Variants in ABAT observed in about 807,000 individuals in gnomAD.
ABAT encodes 4-aminobutyrate aminotransferase.
A neutral mutation model predicts 64.6 loss-of-function variants in ABAT; 45 were observed. The ratio of observed to expected loss-of-function variants is 0.70; its 90% CI spans 0.55 to 0.89. ABAT has a LOEUF of 0.89. Among genes scored for constraint, ABAT ranks in the 40% least tolerant of loss-of-function variants. ABAT has a pLI of 0.00. For missense variants in ABAT, 633 were observed against 658.4 expected (o/e 0.96, Z 0.42); for synonymous variants, 297 against 250.5 (o/e 1.19, Z -1.75).
chr16:8,771,596 G>A (rs1337333831), intron 11 of ABAT, among the ~76,000 whole-genome samples: 2 of 151,872 alleles, frequency 1.3e-5, no homozygotes, highest in Non-Finnish European at 2.9e-5. Flanking sequence ...AGCCACTGGA[G>A]TAGCTGGGAG....
intron 1 of ABAT, among the ~76,000 whole-genome samples, chr16:8,733,495 G>T (rs1047341200): frequency 6.6e-6 from 1 of 152,016 alleles, no homozygotes; most frequent in Admixed American, 6.5e-5. Context: ...GGGAGGTGGA[G>T]GTTGTAGCAA....
chr16:8,775,426 C>G (rs1480136639), intron 13 of ABAT, among the ~76,000 whole-genome samples: 2 of 152,178 alleles, frequency 1.3e-5, no homozygotes, highest in Non-Finnish European at 2.9e-5. Flanking sequence ...CCTCATTTGA[C>G]TAATGAGGAA....
intron 1 of ABAT, among the ~76,000 whole-genome samples, chr16:8,721,398 C>A (rs548564363): frequency 5.3e-5 from 8 of 152,270 alleles, no homozygotes; most frequent in African/African-American, 1.9e-4. Context: ...AGCCTCCGAG[C>A]CTCCAGAGCT....
At chr16:8,745,271 C>A (rs1273685315) in intron 2 of ABAT, among the ~76,000 whole-genome samples, 1 of 152,124 alleles carries the variant, frequency 6.6e-6, no homozygotes, top group Non-Finnish European at 1.5e-5. Flanking sequence ...AATGAGCGAC[C>A]CCATCTGGCC....
At chr16:8,683,933 C>T (rs1020529057) in intron 1 of ABAT, among the ~76,000 whole-genome samples, 15 of 147,148 alleles carry the variant, frequency 1.0e-4, no homozygotes, top group African/African-American at 3.8e-4. Context: ...GGGGTGTGTG[C>T]GTGTCTATGT....
chr16:8,758,395 G>A (rs1475850197), intron 6 of ABAT, among the ~76,000 whole-genome samples: 1 of 152,188 alleles, frequency 6.6e-6, no homozygotes, highest in African/African-American at 2.4e-5. Context: ...CAGGCCACGA[G>A]TCGGGAGGAA....
At chr16:8,716,556 G>A (rs2058221464) in intron 1 of ABAT, among the ~76,000 whole-genome samples, 1 of 152,156 alleles carries the variant, frequency 6.6e-6, no homozygotes, top group African/African-American at 2.4e-5. Flanking sequence ...TGGTCACACA[G>A]GGTCCCGTGT....
rs998751856 is a variant in ABAT, at chr16:8,763,976, A to G, written c.367-93A>G. The G allele has an allele frequency of 2.1e-5, 22 of 1,060,982 alleles. No individual in the cohort carries two copies. In the Admixed American group the frequency reaches 3.2e-4, roughly 16 times the overall value. The allele number at this position is 1,060,982 out of a possible 1,614,324, so 65.7% of individuals were successfully genotyped here. A position where few individuals can be genotyped will look rare whatever the true frequency, so the allele number is the denominator to read the frequency against. On this transcript the variant is annotated intron_variant, in intron 6 of 15. Transcript: ENST00000268251. The stretch of plus-strand genomic sequence containing the variant: ...CATCCTGCAACCCCATTTGGAGGCT[A>G]TTTGAACACAGGGGCTATGAAAAGC...
At position 8,782,446 on chromosome 16, in the gene ABAT, G is replaced by A. The variant is rs1235654109; in HGVS notation, c.*1016G>A. Reference sequence around the variant, plus strand: ...TGAGCTGACCCCCAGGAACAGCTTGGCTGTTCCACCAGAGCAGAGGGAATC... The same window carrying A: ...TGAGCTGACCCCCAGGAACAGCTTGACTGTTCCACCAGAGCAGAGGGAATC... On this transcript the variant is annotated 3_prime_UTR_variant, in exon 16 of 16. Transcript: ENST00000268251. The A allele has an allele frequency of 6.6e-6, 1 of 152,268 alleles. No homozygotes were observed. Among genetic ancestry groups the A allele is most frequent in the African/African-American group, 2.4e-5 (1 of 41,452 alleles). The allele number at this position is 152,268 out of a possible 1,614,324, so 9.4% of individuals were successfully genotyped here.
intron 5 of ABAT, 22 bp downstream of exon 5, chr16:8,750,561 C>G: frequency 1.2e-6 from 2 of 1,600,372 alleles, no homozygotes; most frequent in Non-Finnish European, 8.6e-7. Context: ...GAAATCATTC[C>G]TTGGATATAA....
chr16:8,682,044 G>T (rs1204694549), intron 1 of ABAT, among the ~76,000 whole-genome samples: 1 of 152,070 alleles, frequency 6.6e-6, no homozygotes, highest in Non-Finnish European at 1.5e-5. Context: ...CTTCCTCCAC[G>T]TTGTGACAGC....
At chr16:8,772,690 G>T in intron 11 of ABAT, 90 bp from the exon 12 acceptor site, 1 of 1,541,888 alleles carries the variant, frequency 6.5e-7, no homozygotes, top group Non-Finnish European at 9.0e-7. Context: ...CAATAAAATT[G>T]CATGGGGCTC....
intron 5 of ABAT, among the ~76,000 whole-genome samples, chr16:8,753,756 G>C (rs1019768056): frequency 7.2e-5 from 11 of 152,278 alleles, no homozygotes; most frequent in Admixed American, 6.5e-4. Context: ...GGAGTAGGAT[G>C]GGGGAGTGCC....
intron 5 of ABAT, among the ~76,000 whole-genome samples, chr16:8,755,947 G>T (rs2059637391): frequency 6.6e-6 from 1 of 152,170 alleles, no homozygotes; most frequent in Non-Finnish European, 1.5e-5. Flanking sequence ...TACTCGGGAG[G>T]CTGAGGCAGG....
intron 2 of ABAT, chr16:8,738,403 C>T (rs1463175651): frequency 2.2e-6 from 1 of 455,778 alleles, no homozygotes; most frequent in African/African-American, 2.0e-5. Context: ...TTTTATTTGG[C>T]TTTCACTCAT....
At position 8,776,202 on chromosome 16, in the gene ABAT, G is replaced by A. The variant is rs2060258975; in HGVS notation, c.1123-142G>A. On this transcript the variant is annotated intron_variant, in intron 13 of 15. Transcript: ENST00000268251. This position sits in a 1 kb window ranked among gnomAD's most constrained non-coding sequence, Gnocchi z 4.4. ...AGAGAAGAATTCAGCGAGATTGGGT[G>A]TGTTCCCCTGCCAGCCTCTGGTAGA... 2 of 1,125,100 alleles carry A rather than the reference G, an allele frequency of 1.8e-6. No homozygotes were observed. Among genetic ancestry groups the A allele is most frequent in the East Asian group, 2.4e-5 (1 of 41,450 alleles). The allele number at this position is 1,125,100 out of a possible 1,614,324, so 69.7% of individuals were successfully genotyped here.
intron 1 of ABAT, among the ~76,000 whole-genome samples, chr16:8,730,829 T>C (rs2058697193): frequency 6.6e-6 from 1 of 152,186 alleles, no homozygotes; most frequent in African/African-American, 2.4e-5. Flanking sequence ...CAGATATCTC[T>C]CAACCCCAAC....
chr16:8,689,842 G>T (rs1480131485), intron 1 of ABAT, among the ~76,000 whole-genome samples: 6 of 152,186 alleles, frequency 3.9e-5, no homozygotes, highest in African/African-American at 1.4e-4. Context: ...GATCCTCGTG[G>T]CCAAACCCAG....
chr16:8,721,506 G>A (rs2058370794), intron 1 of ABAT, among the ~76,000 whole-genome samples: 1 of 152,194 alleles, frequency 6.6e-6, no homozygotes, highest in African/African-American at 2.4e-5. Context: ...AGCGTCAGGT[G>A]CAGCCAACGC....
Sources: allele counts gnomAD v4.1 joint callset (sites outside exome capture counted in the v4.1 genomes callset), GRCh38; gene constraint gnomAD v4.1.1; non-coding constraint Gnocchi (gnomAD v3.1); transcripts MANE v1.5; gene names NCBI Gene and HGNC (gene_info 2026-07-23, HGNC 2026-07-21).